The following NLRP13 variants were observed in gnomAD, a reference collection of about 807,000 sequenced individuals.
The protein encoded by NLRP13 is NLR family pyrin domain containing 13, also known as NACHT, LRR and PYD domains-containing protein 13.
A neutral mutation model predicts 94.4 loss-of-function variants in NLRP13; 82 were observed. That is an observed-to-expected ratio of 0.87 (90% confidence interval 0.73 to 1.04). The LOEUF is 1.04. Among genes scored for constraint, NLRP13 ranks in the 50% least tolerant of loss-of-function variants. The probability of loss-of-function intolerance (pLI) is 0.00; values close to 1 mark genes in which losing one functional copy is unlikely to be tolerated. For missense variants in NLRP13, 1,426 were observed against 1,230.8 expected, an observed-to-expected ratio of 1.16 and a Z score of -2.37; for synonymous variants, 553 against 464.7, an observed-to-expected ratio of 1.19 and a Z score of -2.45.
At chr19:55,911,685 G>T (rs758282030) in intron 5 of NLRP13, 21 bp downstream of exon 5, 10 of 1,549,586 alleles carry the variant, frequency 6.5e-6, no homozygotes, top group Non-Finnish European at 8.7e-6. Context: ...AGCTGAGAAA[G>T]AAATGGTTTG....
At chr19:55,919,675 G>A (rs1232928830) in intron 4 of NLRP13, among the ~76,000 whole-genome samples, 3 of 151,726 alleles carry the variant, frequency 2.0e-5, no homozygotes, top group East Asian at 1.9e-4. Flanking sequence ...TCTCCACAAG[G>A]AAAACTACAA....
chr19:55,930,902 T>TATA (rs1259643153), intron 1 of NLRP13, among the ~76,000 whole-genome samples: 1 of 65,828 alleles, frequency 1.5e-5, no homozygotes, highest in African/African-American at 9.3e-5. Flanking sequence ...ATATATAAAA[T>TATA]TTTAACCAGA....
At chr19:55,930,874 T>TTATATATA (rs372288236) in intron 1 of NLRP13, among the ~76,000 whole-genome samples, 23 of 70,192 alleles carry the variant, frequency 3.3e-4, no homozygotes, top group Admixed American at 1.1e-3. Context: ...GAATCAGTGA[T>TTATATATA]TATATATATA....
At position 55,923,114 on chromosome 19, in the gene NLRP13, G is replaced by A. The variant is rs756592137; in HGVS notation, c.523+800C>T. ...GAGTGACAATCTCCATAGGGCCACT[G>A]GTACAAAAACTACAGATGCCTATTA... is the stretch of plus-strand genomic sequence containing the variant. On this transcript the variant is annotated intron_variant, in intron 4 of 10. Transcript: ENST00000342929. 2.6e-5 allele frequency among the ~76,000 whole-genome samples: 4 copies of A among 152,100 alleles called. No homozygotes were observed. In the East Asian group the frequency reaches 7.7e-4, roughly 29 times the overall value.
intron 7 of NLRP13, among the ~76,000 whole-genome samples, chr19:55,906,632 G>C (rs1299069911): frequency 3.3e-5 from 5 of 152,094 alleles, no homozygotes; most frequent in Non-Finnish European, 5.9e-5. Context: ...GTTGAGACTT[G>C]TGTTCTCAGT....
At chr19:55,923,770 A>G (rs1323732794) in intron 4 of NLRP13, 144 bp downstream of exon 4, 1 of 647,212 alleles carries the variant, frequency 1.5e-6, no homozygotes, top group Non-Finnish European at 2.7e-6. Context: ...ATTGTACTGG[A>G]AGAACCAGTT....
chr19:55,931,861 G>T, intron 1 of NLRP13, 132 bp downstream of exon 1: 1 of 768,122 alleles, frequency 1.3e-6, no homozygotes, highest in Non-Finnish European at 2.1e-6. Context: ...ACATCATACT[G>T]TCATAGATTA....
intron 1 of NLRP13, among the ~76,000 whole-genome samples, chr19:55,930,898 A>ACACGT: frequency 9.5e-6 from 1 of 104,884 alleles, no homozygotes; most frequent in African/African-American, 3.9e-5. Flanking sequence ...ATATATATAT[A>ACACGT]AAATTTTAAC....
Position 55,904,979 on chromosome 19 carries a change from C to A in NLRP13, c.2581G>T (p.Ala861Ser). 6.2e-7 allele frequency: 1 copy of A among 1,613,966 alleles called. No homozygotes were observed. The highest frequency in any genetic ancestry group is 8.5e-7 in the Non-Finnish European group (1 of 1,179,964). ...AAGGCACACTTGGGGTGAGTCAGGGCCGCACACAATAGCTTTATGCCATCA... is the reference window on the plus strand; with the variant it reads ...AAGGCACACTTGGGGTGAGTCAGGGACGCACACAATAGCTTTATGCCATCA... ...QDDGIKLLCA[A>S]LTHPKCALER... is the part of the protein sequence containing the mutation. The change falls in exon 8 of 11, where the codon GCC becomes TCC. Residue 861 changes from alanine (A) to serine (S), a missense_variant. Coordinates refer to ENST00000342929, the MANE Select transcript of NLRP13 (RefSeq NM_176810.2).
At chr19:55,900,793 C>T in intron 9 of NLRP13, among the ~76,000 whole-genome samples, 1 of 111,244 alleles carries the variant, frequency 9.0e-6, no homozygotes, top group East Asian at 2.4e-4. Context: ...AAAAAAAAAT[C>T]TAGAACCAGG....
chr19:55,930,874 T>TTTTTTATATA (rs55900335), intron 1 of NLRP13, among the ~76,000 whole-genome samples: 8 of 70,190 alleles, frequency 1.1e-4, no homozygotes, highest in Non-Finnish European at 1.8e-4. Flanking sequence ...GAATCAGTGA[T>TTTTTTATATA]TATATATATA....
At chr19:55,896,171 G>T in intron 10 of NLRP13, 52 bp from the exon 11 acceptor site, 1 of 1,582,558 alleles carries the variant, frequency 6.3e-7, no homozygotes, top group Non-Finnish European at 8.6e-7. Flanking sequence ...AGACTGGGAA[G>T]TTAGAAAAGA....
At chr19:55,922,486 C>A (rs1488876894) in intron 4 of NLRP13, among the ~76,000 whole-genome samples, 1 of 152,098 alleles carries the variant, frequency 6.6e-6, no homozygotes, top group Non-Finnish European at 1.5e-5. Flanking sequence ...CACCACCATG[C>A]CCGGCTAATT....
rs747167704 is a variant in NLRP13 at position 55,925,023 on chromosome 19, G to T, written c.332C>A (p.Thr111Asn). Residue 111 changes from threonine to asparagine, a missense_variant, in exon 2 of 11, where the codon ACC becomes AAC. Thr to Asn is a moderately conservative substitution (Grantham distance 65). Transcript: ENST00000342929. Reference sequence around the variant, plus strand: ...CTGGGTTGGATCTTGCAGCTCTTGGGTCTGCACATTCTCTGAAACAAACAG... The same window carrying T: ...CTGGGTTGGATCTTGCAGCTCTTGGTTCTGCACATTCTCTGAAACAAACAG... ...VRAEMKENVQ[T>N]QELQDPTQED... The T allele has an allele frequency of 6.2e-7, 1 of 1,613,882 alleles. No homozygotes were observed. Among genetic ancestry groups the T allele is most frequent in the Non-Finnish European group, 8.5e-7 (1 of 1,179,888 alleles).
rs772182634 is a variant in NLRP13, at chr19:55,912,817, C to A, written c.1000G>T (p.Asp334Tyr). ...ESLDDGSPCT[D>Y]WYQELPVTKI... ...GTCACTGGGAGCTCCTGGTACCAGT[C>A]TGTACATGGCGAGCCATCATCCAAG... Residue 334 changes from aspartate to tyrosine, a missense_variant, in exon 5 of 11, where the codon GAC (aspartate) becomes TAC (tyrosine). By Grantham distance (160) the Asp-to-Tyr change is radical (BLOSUM62 -3). Transcript: ENST00000342929. 4.3e-6 allele frequency: 7 copies of A among 1,614,042 alleles called. No homozygotes were observed. The highest frequency in any genetic ancestry group is 3.3e-5 in the South Asian group (3 of 91,076).
chr19:55,911,732 G>A lies in NLRP13; in HGVS notation c.2085C>T (p.Ile695=), dbSNP rs769035639. Residue 695 remains isoleucine (I), a synonymous_variant, in exon 5 of 11, where the codon ATC becomes ATT. Coordinates refer to ENST00000342929, the MANE Select transcript of NLRP13 (RefSeq NM_176810.2). ...NKLRLSVSSH[I]LERDLEILET... ...CCAGAATTTCCAAGTCCCTTTCAAG[G>A]ATGTGACTGCTAACAGAAAGCCTTA... 26 of 1,608,556 alleles carry A rather than the reference G, an allele frequency of 1.6e-5. No homozygotes were observed. Among genetic ancestry groups the A allele is most frequent in the Non-Finnish European group, 2.1e-5 (25 of 1,177,342 alleles).
chr19:55,932,017 C>T lies in NLRP13; in HGVS notation c.295G>A (p.Glu99Lys), dbSNP rs761946968. 4.3e-6 allele frequency: 7 copies of T among 1,613,704 alleles called. No individual in the cohort carries two copies. The Admixed American group carries it at 1.0e-4, about 23-fold the overall frequency. The change falls in exon 1 of 11, where the codon GAG (glutamate) becomes AAG (lysine). Residue 99 changes from glutamate to lysine, a missense_variant. Coordinates refer to ENST00000342929, the MANE Select transcript of NLRP13 (RefSeq NM_176810.2). ...CCTTTCATCTCGGCTCTAACTTTCTCACACAGTGAGGTCAGATTCATTGTC... is the reference window on the plus strand; with the variant it reads ...CCTTTCATCTCGGCTCTAACTTTCTTACACAGTGAGGTCAGATTCATTGTC... ...FQTMNLTSLC[E>K]KVRAEMKENV...
intron 5 of NLRP13, among the ~76,000 whole-genome samples, chr19:55,911,068 G>C (rs528738739): frequency 2.0e-5 from 3 of 152,160 alleles, no homozygotes; most frequent in Admixed American, 2.0e-4. Flanking sequence ...TGTGGGGGTT[G>C]CAAGACCACC....
rs981948477 is a variant in NLRP13 at position 55,926,301 on chromosome 19, C to T, written c.320-1266G>A. On this transcript the variant is annotated intron_variant, in intron 1 of 10. Transcript: ENST00000342929. ...AGGCTATTCCAGATGAACAGCCTAG[C>T]AGGACTAGTACATGGCTGCAAAGAG... Among the ~76,000 whole-genome samples the T allele has an allele frequency of 2.6e-5, 4 of 152,160 alleles. No individual in the cohort carries two copies. In the South Asian group the frequency reaches 8.3e-4, roughly 31 times the overall value.
Sources: gnomAD v4.1 joint callset for allele counts (sites outside exome capture counted in the v4.1 genomes callset) on GRCh38, gnomAD v4.1.1 for gene constraint, MANE v1.5 for transcripts, NCBI Gene and HGNC (gene_info 2026-07-23, HGNC 2026-07-21) for gene names.